FAT3: variants seen among roughly 807,000 people sequenced by gnomAD.
FAT3 encodes the protein FAT atypical cadherin 3, also known as protocadherin Fat 3.
In FAT3, 95 loss-of-function variants were observed where a neutral mutation model predicts 310.2. The ratio of observed to expected loss-of-function variants is 0.31; its 90% CI spans 0.26 to 0.36. The LOEUF (loss-of-function observed/expected upper bound fraction) is 0.36. Ranked by LOEUF, FAT3 falls within the 10% of genes least tolerant of loss-of-function variation. The pLI is 1.00. For synonymous variants in FAT3, 2,314 were observed against 2,192.9 expected, an observed-to-expected ratio of 1.06 and a Z score of -1.54; for missense variants, 5,408 against 5,715.6, an observed-to-expected ratio of 0.95 and a Z score of 1.74.
chr11:92,658,668 A>G (rs1307643489), intron 3 of FAT3, among the ~76,000 whole-genome samples: 3 of 152,160 alleles, frequency 2.0e-5, no homozygotes, highest in Non-Finnish European at 4.4e-5. Flanking sequence ...ACAAGGCCTG[A>G]GCAGTTTTAG....
In FAT3 at chr11:92,844,478, C is replaced by T. The variant is rs187335351; in HGVS notation, c.11111C>T (p.Ala3704Val). 20 of 1,613,764 alleles carry T rather than the reference C, an allele frequency of 1.2e-5. No individual in the cohort carries two copies. In the East Asian group the frequency reaches 1.3e-4, roughly 11 times the overall value. ...ACCAACCAACTGGACATGCTGTTTG[C>T]GGTGGAGATGCACAGCAGCGAGTTC... Reference protein sequence around the residue: ...AGTNQLDMLFAVEMHSSEFYK... With the variant: ...AGTNQLDMLFVVEMHSSEFYK... The change falls in exon 19 of 28, where the codon GCG (alanine) becomes GTG (valine). Residue 3704 changes from alanine to valine, a missense_variant. Physicochemically the swap from Ala to Val is moderately conservative, Grantham distance 64 (BLOSUM62 0). Coordinates refer to ENST00000525166, the MANE Select transcript of FAT3 (RefSeq NM_001367949.2).
At chr11:92,334,243 G>A (rs902641348) in intron 1 of FAT3, among the ~76,000 whole-genome samples, 1 of 152,070 alleles carries the variant, frequency 6.6e-6, no homozygotes, top group Non-Finnish European at 1.5e-5. Context: ...AGGTGTGGTG[G>A]CATGCACCTG....
chr11:92,728,531 T>A (rs1016667349), intron 4 of FAT3, among the ~76,000 whole-genome samples: 1 of 152,316 alleles, frequency 6.6e-6, no homozygotes, highest in African/African-American at 2.4e-5. Context: ...TTTGTTTTTT[T>A]AAAAATCGGC....
intron 2 of FAT3, among the ~76,000 whole-genome samples, chr11:92,519,812 A>G (rs1034523405): frequency 5.3e-5 from 8 of 152,262 alleles, no homozygotes; most frequent in East Asian, 1.9e-4. Flanking sequence ...GAAAACTTCA[A>G]TGAGATACCA....
rs183479546 is a variant in FAT3 at position 92,378,508 on chromosome 11, G to A, written c.3292+23104G>A. 1.7e-3 allele frequency among the ~76,000 whole-genome samples: 255 copies of A among 152,270 alleles called. 1 individual carries two copies. Among genetic ancestry groups the A allele is most frequent in the African/African-American group, 5.9e-3 (244 of 41,556 alleles). On this transcript the variant is annotated intron_variant, in intron 2 of 27. Coordinates refer to ENST00000525166, the MANE Select transcript of FAT3 (RefSeq NM_001367949.2). ...TGGAAATGTAGGTTCATTTCAGACA[G>A]CAGTTTTCACATAAGGCATTATATA...
At chr11:92,518,370 G>A (rs1253975294) in intron 2 of FAT3, among the ~76,000 whole-genome samples, 1 of 152,040 alleles carries the variant, frequency 6.6e-6, no homozygotes, top group Non-Finnish European at 1.5e-5. Context: ...GCAGAGATAG[G>A]ATGAAGCTGG....
At position 92,799,862 on chromosome 11, in the gene FAT3, C is replaced by G; in HGVS notation, c.6849C>G (p.Asn2283Lys). ...VDLLVNDVND[N>K]PPIFDQPTYN... ...TGCTAGTTAATGATGTAAATGACAA[C>G]CCCCCTATTTTCGATCAGCCTACAT... The change falls in exon 10 of 28, where the codon AAC becomes AAG. Residue 2283 changes from asparagine to lysine, a missense_variant. This residue lies in a region of FAT3 where 4,588 missense variants were observed against 4,809.8 expected (regional missense o/e 0.95). Coordinates refer to ENST00000525166, the MANE Select transcript of FAT3 (RefSeq NM_001367949.2). The G allele has an allele frequency of 6.2e-7, 1 of 1,613,290 alleles. No individual in the cohort carries two copies. The highest frequency in any genetic ancestry group is 8.5e-7 in the Non-Finnish European group (1 of 1,179,638).
chr11:92,739,102 A>T (rs909929529), intron 4 of FAT3, among the ~76,000 whole-genome samples: 2 of 152,150 alleles, frequency 1.3e-5, no homozygotes, highest in African/African-American at 4.8e-5. Flanking sequence ...AGTCTGTCTA[A>T]GGCAAAGCTA....
At chr11:92,412,389 C>CTG (rs1591251180) in intron 2 of FAT3, among the ~76,000 whole-genome samples, 4 of 145,532 alleles carry the variant, frequency 2.7e-5, no homozygotes, top group East Asian at 2.1e-4. Context: ...GCATGAGCCA[C>CTG]CAGACCCGGC....
intron 4 of FAT3, among the ~76,000 whole-genome samples, chr11:92,753,848 C>T (rs1282871151): frequency 7.0e-6 from 1 of 143,572 alleles, no homozygotes; most frequent in Non-Finnish European, 1.5e-5. Context: ...AATGCATTTG[C>T]AGCAACCTGG....
chr11:92,399,153 T>G (rs1223514671), intron 2 of FAT3, among the ~76,000 whole-genome samples: 5 of 152,196 alleles, frequency 3.3e-5, no homozygotes, highest in Non-Finnish European at 5.9e-5. Flanking sequence ...ATACACATAT[T>G]AAGATGTAAA....
chr11:92,689,281 G>T (rs1943726655), intron 3 of FAT3, among the ~76,000 whole-genome samples: 1 of 152,056 alleles, frequency 6.6e-6, no homozygotes, highest in South Asian at 2.1e-4. Flanking sequence ...GTGGAATTTA[G>T]ATTGCCAGTC....
intron 3 of FAT3, among the ~76,000 whole-genome samples, chr11:92,619,342 A>G (rs1940976431): frequency 6.6e-6 from 1 of 152,054 alleles, no homozygotes; most frequent in Non-Finnish European, 1.5e-5. Context: ...TCTTGTGATG[A>G]TTTTGGTATC....
intron 4 of FAT3, among the ~76,000 whole-genome samples, chr11:92,740,756 T>C (rs1000477732): frequency 6.6e-6 from 1 of 152,208 alleles, no homozygotes; most frequent in Non-Finnish European, 1.5e-5. Context: ...GAATTTATAA[T>C]GAAAGAGATA....
chr11:92,253,872 T>C (rs1413251258), intron 1 of FAT3, among the ~76,000 whole-genome samples: 1 of 152,136 alleles, frequency 6.6e-6, no homozygotes, highest in African/African-American at 2.4e-5. Context: ...AGTTATAGAA[T>C]ATTCAGTTGG....
chr11:92,261,869 A>T (rs1162936472), intron 1 of FAT3, among the ~76,000 whole-genome samples: 1 of 152,022 alleles, frequency 6.6e-6, no homozygotes, highest in Non-Finnish European at 1.5e-5. Context: ...TTTTATTTAA[A>T]ATTACCCATA....
At chr11:92,318,622 GC>G (rs1947528515) in intron 1 of FAT3, among the ~76,000 whole-genome samples, 2 of 152,128 alleles carry the variant, frequency 1.3e-5, no homozygotes, top group Non-Finnish European at 2.9e-5. Flanking sequence ...AAATATTTTT[GC>G]TCAGAGAACA....
chr11:92,622,209 AG>A (rs1316132079), intron 3 of FAT3, among the ~76,000 whole-genome samples: 4 of 151,934 alleles, frequency 2.6e-5, no homozygotes, highest in African/African-American at 9.7e-5. Context: ...GCTTGAATCT[AG>A]GAAATGAAGG....
chr11:92,353,675 T>C lies in FAT3; in HGVS notation c.1563T>C (p.Ile521=). ...GCCTGAATTTGTTACCATTTGTCAT[T>C]AATCAGTTTACAGGTGTTATTAGCA... ...IASLNLLPFV[I]NQFTGVISTT... The change falls in exon 2 of 28, where the codon ATT becomes ATC. Residue 521 remains isoleucine, a synonymous_variant. Transcript: ENST00000525166. 6.2e-7 allele frequency: 1 copy of C among 1,613,960 alleles called. No individual in the cohort carries two copies. Among genetic ancestry groups the C allele is most frequent in the Non-Finnish European group, 8.5e-7 (1 of 1,179,880 alleles).
Sources: allele counts gnomAD v4.1 joint callset (sites outside exome capture counted in the v4.1 genomes callset), GRCh38; gene constraint gnomAD v4.1.1; regional missense constraint gnomAD v4.1.1; transcripts MANE v1.5; gene names NCBI Gene and HGNC (gene_info 2026-07-23, HGNC 2026-07-21).